The following CHEK1 variants were observed in gnomAD, a reference collection of about 807,000 sequenced individuals.
CHEK1 encodes the protein serine/threonine-protein kinase Chk1.
CHEK1 carries 32 observed loss-of-function variants against 60.2 expected under a neutral mutation model. The ratio of observed to expected loss-of-function variants is 0.53; its 90% CI spans 0.40 to 0.71. The LOEUF (loss-of-function observed/expected upper bound fraction) is 0.71, where lower values mean the gene tolerates loss of function less well. CHEK1 is among the 30% of genes least tolerant of loss of function. CHEK1 has a pLI of 0.00. For synonymous variants in CHEK1, 179 were observed against 187.2 expected (o/e 0.96, Z 0.36); for missense variants, 399 against 564.6 (o/e 0.71, Z 2.97).
At chr11:125,645,126 A>G (rs866814885) in intron 11 of CHEK1, among the ~76,000 whole-genome samples, 2 of 152,268 alleles carry the variant, frequency 1.3e-5, no homozygotes, top group South Asian at 4.1e-4. Context: ...TTTATTTTTT[A>G]ATTTTTAATT....
intron 1 of CHEK1, chr11:125,626,454 C>T (rs1050791167): frequency 4.3e-6 from 2 of 461,408 alleles, no homozygotes; most frequent in Non-Finnish European, 7.8e-6. Flanking sequence ...AGTCGTTCGC[C>T]GGAAAGCATT....
In CHEK1 at chr11:125,631,750, T is replaced by C. The variant is rs1940868383; in HGVS notation, c.425-1413T>C. Among the ~76,000 whole-genome samples the C allele has an allele frequency of 3.3e-5, 5 of 150,082 alleles. No homozygotes were observed. In the Admixed American group the frequency reaches 3.4e-4, roughly 10 times the overall value. Reference sequence around the variant, plus strand: ...GTGCACACCTGGAGTCCCAGCTACTTGGAAGGCTGAAGCAGGAGGATTGAT... The same window carrying C: ...GTGCACACCTGGAGTCCCAGCTACTCGGAAGGCTGAAGCAGGAGGATTGAT... On this transcript the variant is annotated intron_variant, in intron 5 of 12. Coordinates refer to ENST00000438015, the MANE Select transcript of CHEK1 (RefSeq NM_001114122.3).
intron 2 of CHEK1, 45 bp from the exon 3 acceptor site, chr11:125,627,562 A>G (rs1186168799): frequency 6.7e-7 from 1 of 1,491,574 alleles, no homozygotes; most frequent in Non-Finnish European, 9.1e-7. Flanking sequence ...TGGAAGTTTT[A>G]GAAGAAATGG....
chr11:125,661,983 G>T (rs897394565), downstream of CHEK1, among the ~76,000 whole-genome samples: 5 of 152,154 alleles, frequency 3.3e-5, no homozygotes, highest in African/African-American at 1.2e-4. Context: ...ATAAGGTCAA[G>T]ATAGGACATT....
chr11:125,652,605 A>G (rs982608198), intron 11 of CHEK1, among the ~76,000 whole-genome samples: 2 of 152,172 alleles, frequency 1.3e-5, no homozygotes, highest in Non-Finnish European at 2.9e-5. Flanking sequence ...GGGGACACAC[A>G]TACCCACTGG....
At position 125,625,295 on chromosome 11, in the gene CHEK1, G is replaced by A. The variant is rs1940536040; in HGVS notation, c.-738G>A. On this transcript the variant is annotated 5_prime_UTR_variant, in exon 1 of 13. Coordinates refer to ENST00000438015, the MANE Select transcript of CHEK1 (RefSeq NM_001114122.3). The stretch of plus-strand genomic sequence containing the variant: ...TTTTGGAGCTGGTTCACAGAAAAAA[G>A]GCAAAACTGGTTATCCTGACTTCAA... 1 of 228,982 alleles carries A rather than the reference G, an allele frequency of 4.4e-6. No individual in the cohort carries two copies. The highest frequency in any genetic ancestry group is 8.5e-6 in the Non-Finnish European group (1 of 117,086). 14.2% of individuals were successfully genotyped at this position (228,982 alleles called of 1,614,324 possible). A position where few individuals can be genotyped will look rare whatever the true frequency, so the allele number is the denominator to read the frequency against.
At chr11:125,627,122 G>C (rs1238887097) in intron 2 of CHEK1, among the ~76,000 whole-genome samples, 1 of 152,144 alleles carries the variant, frequency 6.6e-6, no homozygotes, top group Non-Finnish European at 1.5e-5. Context: ...GAGATTGCCT[G>C]CCTGGTTTCA....
At position 125,628,260 on chromosome 11, in the gene CHEK1, G is replaced by T. The variant is rs189628645; in HGVS notation, c.289+430G>T. The stretch of plus-strand genomic sequence containing the variant: ...CTCTTGGTTTACATGAAATAATTGA[G>T]AATTTTCTAGGATTGCTTTTTGTAT... On this transcript the variant is annotated intron_variant, in intron 3 of 12. Transcript: ENST00000438015. Among the ~76,000 whole-genome samples the T allele has an allele frequency of 1.7e-3, 259 of 152,190 alleles. 1 individual carries two copies. The highest frequency in any genetic ancestry group is 6.0e-3 in the African/African-American group (251 of 41,500).
intron 2 of CHEK1, 127 bp downstream of exon 2, chr11:125,626,960 T>C (rs962565668): frequency 2.1e-6 from 2 of 973,580 alleles, no homozygotes; most frequent in African/African-American, 3.3e-5. Context: ...TTACACAGCC[T>C]TTTGCTAGGA....
At chr11:125,638,279 G>T (rs924261874) in intron 8 of CHEK1, among the ~76,000 whole-genome samples, 8 of 152,172 alleles carry the variant, frequency 5.3e-5, no homozygotes, top group South Asian at 4.1e-4. Context: ...GAAAGATTCA[G>T]GGTGCTGTAG....
chr11:125,644,847 A>G (rs1591410049), intron 11 of CHEK1, among the ~76,000 whole-genome samples: 1 of 152,072 alleles, frequency 6.6e-6, no homozygotes, highest in African/African-American at 2.4e-5. Flanking sequence ...TGTCTCTACT[A>G]AAAGCACAAA....
chr11:125,662,030 T>C (rs985485546), downstream of CHEK1, among the ~76,000 whole-genome samples: 29 of 152,200 alleles, frequency 1.9e-4, no homozygotes, highest in African/African-American at 6.3e-4. Context: ...TACCCTTTTA[T>C]AGCAACATTC....
intron 11 of CHEK1, among the ~76,000 whole-genome samples, chr11:125,651,896 C>T (rs1215030915): frequency 6.6e-6 from 1 of 152,214 alleles, no homozygotes; most frequent in African/African-American, 2.4e-5. Flanking sequence ...GAGTAATGGA[C>T]TTCTGGAGTT....
At chr11:125,654,039 TA>T (rs1353192397) in intron 12 of CHEK1, among the ~76,000 whole-genome samples, 192 bp downstream of exon 12, 1 of 152,132 alleles carries the variant, frequency 6.6e-6, no homozygotes, top group East Asian at 1.9e-4. Context: ...TTCCTTATTA[TA>T]AAAGTTTTTG....
At chr11:125,677,794 C>A (rs754933761), downstream of CHEK1, 5 of 1,613,524 alleles carry the variant, frequency 3.1e-6, no homozygotes, top group South Asian at 5.5e-5. Flanking sequence ...AAACATGGCT[C>A]ACCTGTAGAT....
At chr11:125,634,185 G>C (rs1448558032) in intron 6 of CHEK1, among the ~76,000 whole-genome samples, 4 of 151,922 alleles carry the variant, frequency 2.6e-5, no homozygotes, top group Non-Finnish European at 5.9e-5. Context: ...AGTAGAGACA[G>C]GGTTTCACCA....
At chr11:125,657,303 GGTT>G (rs909576583), downstream of CHEK1, among the ~76,000 whole-genome samples, 3 of 151,588 alleles carry the variant, frequency 2.0e-5, no homozygotes, top group Non-Finnish European at 2.9e-5. Flanking sequence ...CAGTGTGTGT[GGTT>G]GTTGAGATAA....
chr11:125,672,436 T>C (rs778905476), intron 13 of CHEK1: 4 of 796,702 alleles, frequency 5.0e-6, no homozygotes, highest in South Asian at 1.9e-5. Context: ...AAAGCATGAA[T>C]AGAAGAAGAA....
chr11:125,668,622 T>A (rs994986460), intron 13 of CHEK1, among the ~76,000 whole-genome samples: 4 of 152,178 alleles, frequency 2.6e-5, no homozygotes, highest in African/African-American at 4.8e-5. Flanking sequence ...AGCACAATCA[T>A]AGCTCACTGC....
Sources: gnomAD v4.1 joint callset for allele counts (sites outside exome capture counted in the v4.1 genomes callset) on GRCh38, gnomAD v4.1.1 for gene constraint, MANE v1.5 for transcripts, NCBI Gene and HGNC (gene_info 2026-07-23, HGNC 2026-07-21) for gene names.